Variants in SEC14L2 observed in about 807,000 individuals in gnomAD.
The protein encoded by SEC14L2 is SEC14 like lipid binding 2.
In SEC14L2, 50 loss-of-function variants were observed where a neutral mutation model predicts 56.9. The ratio of observed to expected loss-of-function variants is 0.88; its 90% CI spans 0.70 to 1.11. SEC14L2 has a LOEUF of 1.11. Ranked by LOEUF, SEC14L2 falls within the 50% of genes most tolerant of loss-of-function variation. SEC14L2 has a pLI of 0.00. For missense variants in SEC14L2, 414 were observed against 500.7 expected, an observed-to-expected ratio of 0.83 and a Z score of 1.65; for synonymous variants, 179 against 188.5, an observed-to-expected ratio of 0.95 and a Z score of 0.41.
At chr22:30,409,775 C>G (rs1934198763) in intron 7 of SEC14L2, among the ~76,000 whole-genome samples, 1 of 152,166 alleles carries the variant, frequency 6.6e-6, no homozygotes, top group African/African-American at 2.4e-5. Context: ...TGGTGCATGC[C>G]TGTAGTTCCA....
At chr22:30,399,470 G>A (rs116581605) in intron 1 of SEC14L2, among the ~76,000 whole-genome samples, 173 bp from the exon 2 acceptor site, 2,026 of 133,140 alleles carry the variant, frequency 0.015, 55 homozygotes, top group African/African-American at 0.055. Context: ...AGTGGAGATC[G>A]CCCACCGCAC....
intron 2 of SEC14L2, among the ~76,000 whole-genome samples, chr22:30,404,101 C>T (rs553273021): frequency 1.2e-3 from 184 of 147,686 alleles, no homozygotes; most frequent in African/African-American, 4.5e-3. Flanking sequence ...TTCTCATTTT[C>T]ATGGCCCAAC....
chr22:30,410,150 A>C (rs1174445446), intron 7 of SEC14L2, among the ~76,000 whole-genome samples: 2 of 146,756 alleles, frequency 1.4e-5, no homozygotes, highest in Admixed American at 6.9e-5. Context: ...GTGAGCTGAG[A>C]GCTCACTGAG....
At chr22:30,407,219 G>A in intron 4 of SEC14L2, 65 bp downstream of exon 4, 1 of 1,569,962 alleles carries the variant, frequency 6.4e-7, no homozygotes, top group South Asian at 1.1e-5. Flanking sequence ...CTGGGTCCTG[G>A]ATCCACTGGA....
intron 11 of SEC14L2, chr22:30,420,998 CT>C (rs1934500707): frequency 6.6e-6 from 1 of 152,208 alleles, no homozygotes; most frequent in Non-Finnish European, 1.5e-5. Flanking sequence ...TATCAAATAT[CT>C]TCCATCTAGA....
rs1323793849 is a variant in SEC14L2 at position 30,416,089 on chromosome 22, T to C, written c.911+2T>C. On this transcript the variant is annotated splice_donor_variant, in intron 10 of 11. Transcript: ENST00000615189. LOFTEE classifies it high-confidence loss of function. ...CCTCTTCCCTGGCTGTGTCCTCAGG[T>C]AGGGGCCTGGGCCCTTCCAGGAGAC... The C allele has an allele frequency of 6.2e-7, 1 of 1,614,230 alleles. No individual in the cohort carries two copies. Among genetic ancestry groups the C allele is most frequent in the African/African-American group, 1.3e-5 (1 of 75,072 alleles).
intron 2 of SEC14L2, among the ~76,000 whole-genome samples, chr22:30,402,891 C>CAATA (rs1171653124): frequency 4.0e-5 from 6 of 151,316 alleles, no homozygotes; most frequent in African/African-American, 1.5e-4. Flanking sequence ...CCAGCCTGGG[C>CAATA]AATATAGCAA....
rs1166943937 is a variant in SEC14L2, at chr22:30,410,657, TAAG to T, written c.647_649del (p.Lys216del). 6 of 1,614,160 alleles carry T rather than the reference TAAG, an allele frequency of 3.7e-6. No individual in the cohort carries two copies. Among genetic ancestry groups the T allele is most frequent in the South Asian group, 1.1e-5 (1 of 91,088 alleles). On this transcript the variant is annotated inframe_deletion, in exon 8 of 12. Coordinates refer to ENST00000615189, the MANE Select transcript of SEC14L2 (RefSeq NM_012429.5). ...AACCCTTCCTGAGTGAGGACACTCGTAAGAAGATCATGGTCCTGGGAGGTAAGT... is the reference window on the plus strand; with the variant it reads ...AACCCTTCCTGAGTGAGGACACTCGTAAGATCATGGTCCTGGGAGGTAAGT...
rs1934545731 is a variant in SEC14L2 at position 30,422,433 on chromosome 22, C to G, written c.*26C>G. 1 of 1,613,418 alleles carries G rather than the reference C, an allele frequency of 6.2e-7. No homozygotes were observed. Among genetic ancestry groups the G allele is most frequent in the African/African-American group, 1.3e-5 (1 of 75,010 alleles). On this transcript the variant is annotated 3_prime_UTR_variant, in exon 12 of 12. Coordinates refer to ENST00000615189, the MANE Select transcript of SEC14L2 (RefSeq NM_012429.5). ...CACCTTCTCCTATAGCAGGCCTGGC[C>G]CCCTCAGTGTCTCCCTGTCAATTTC...
At chr22:30,417,730 G>A (rs1349753051) in intron 11 of SEC14L2, among the ~76,000 whole-genome samples, 2 of 152,138 alleles carry the variant, frequency 1.3e-5, no homozygotes, top group Non-Finnish European at 2.9e-5. Context: ...CCGGGAGATG[G>A]GAGAAGCCCT....
At chr22:30,410,569 C>G in intron 7 of SEC14L2, 27 bp from the exon 8 acceptor site, 4 of 1,603,898 alleles carry the variant, frequency 2.5e-6, no homozygotes, top group Non-Finnish European at 2.6e-6. Flanking sequence ...CTGCTCCCAG[C>G]CTCACATTAT....
chr22:30,414,594 C>T (rs991198973), intron 8 of SEC14L2, among the ~76,000 whole-genome samples: 1 of 152,152 alleles, frequency 6.6e-6, no homozygotes, highest in Admixed American at 6.5e-5. Flanking sequence ...GCTTGTACCC[C>T]AGGGCCTGGA....
chr22:30,416,157 G>A, intron 10 of SEC14L2, 70 bp downstream of exon 10: 1 of 1,609,524 alleles, frequency 6.2e-7, no homozygotes, highest in Non-Finnish European at 8.5e-7. Flanking sequence ...GCTGGAATAG[G>A]AGAAGCCCTG....
chr22:30,399,501 G>A (rs1380192972), intron 1 of SEC14L2, 142 bp from the exon 2 acceptor site: 7 of 433,738 alleles, frequency 1.6e-5, no homozygotes, highest in East Asian at 7.5e-5. Context: ...GCGAGAGTGC[G>A]AGACTCTATC....
intron 1 of SEC14L2, among the ~76,000 whole-genome samples, chr22:30,399,304 C>G (rs989085710): frequency 6.6e-6 from 1 of 152,114 alleles, no homozygotes; most frequent in African/African-American, 2.4e-5. Context: ...AGGACGAGGT[C>G]AGGAGATCAA....
In SEC14L2 at chr22:30,409,238, G is replaced by C. The variant is rs763950913; in HGVS notation, c.475G>C (p.Gly159Arg). 6 of 1,613,882 alleles carry C rather than the reference G, an allele frequency of 3.7e-6. No homozygotes were observed. Among genetic ancestry groups the C allele is most frequent in the Non-Finnish European group, 5.1e-6 (6 of 1,180,028 alleles). The change falls in exon 6 of 12, where the codon GGC becomes CGC. Residue 159 changes from glycine (G) to arginine (R), a missense_variant. Transcript: ENST00000615189. ...ITIIYDCEGLGLKHLWKPAVE... is the reference protein window; with the variant it reads ...ITIIYDCEGLRLKHLWKPAVE... ...CATAATTTATGACTGCGAGGGGCTT[G>C]GCCTCAAGCATCTCTGGAAGCCTGC...
intron 11 of SEC14L2, chr22:30,416,819 C>T: frequency 8.9e-7 from 1 of 1,125,582 alleles, no homozygotes; most frequent in Non-Finnish European, 1.1e-6. Flanking sequence ...CAGCCTTCAC[C>T]CCTGAGTTTC....
intron 11 of SEC14L2, chr22:30,420,979 C>A (rs1754777472): frequency 6.6e-6 from 1 of 152,182 alleles, no homozygotes; most frequent in Non-Finnish European, 1.5e-5. Context: ...CTGCTAATGT[C>A]TATTATCCTA....
intron 8 of SEC14L2, among the ~76,000 whole-genome samples, chr22:30,411,367 T>C (rs1278201282): frequency 1.3e-5 from 2 of 152,006 alleles, no homozygotes; most frequent in African/African-American, 4.8e-5. Context: ...TTGCTTTCAG[T>C]TGGGGAAAAC....
Sources: gnomAD v4.1 joint callset for allele counts (sites outside exome capture counted in the v4.1 genomes callset) on GRCh38, gnomAD v4.1.1 for gene constraint, MANE v1.5 for transcripts, NCBI Gene and HGNC (gene_info 2026-07-23, HGNC 2026-07-21) for gene names.